Variants in ZNF429 observed in about 807,000 individuals in gnomAD.
The protein encoded by ZNF429 is zinc finger protein 429.
Under a neutral mutation model 56.8 loss-of-function variants are expected in ZNF429, and 53 were observed. That is an observed-to-expected ratio of 0.93 (90% CI 0.75 to 1.17). ZNF429 has a LOEUF of 1.17. Among genes scored for constraint, ZNF429 ranks in the 50% most tolerant of loss-of-function variants. The pLI, the probability that ZNF429 is intolerant of heterozygous loss-of-function variation, is 0.00. For missense variants in ZNF429, 849 were observed against 788.4 expected, an observed-to-expected ratio of 1.08 and a Z score of -0.92; for synonymous variants, 278 against 264.7, an observed-to-expected ratio of 1.05 and a Z score of -0.49.
At chr19:21,521,658 T>C (rs1395885847) in intron 1 of ZNF429, 1 of 152,548 alleles carries the variant, frequency 6.6e-6, no homozygotes. Flanking sequence ...GAGAGCTGCT[T>C]TTCTCTCTCA....
intron 3 of ZNF429, among the ~76,000 whole-genome samples, chr19:21,535,499 CTTT>C: frequency 4.6e-5 from 3 of 64,796 alleles, no homozygotes; most frequent in Non-Finnish European, 9.2e-5. Flanking sequence ...TTTCTTTCTT[CTTT>C]CTTTCTTTCT....
At chr19:21,523,014 G>A (rs2033038170) in intron 1 of ZNF429, among the ~76,000 whole-genome samples, 1 of 152,110 alleles carries the variant, frequency 6.6e-6, no homozygotes, top group Non-Finnish European at 1.5e-5. Context: ...ATGTTACAGG[G>A]TGGAAATCAA....
chr19:21,530,532 A>T, intron 2 of ZNF429, 57 bp from the exon 3 acceptor site: 1 of 1,286,768 alleles, frequency 7.8e-7, no homozygotes, highest in African/African-American at 1.5e-5. Context: ...GCACATTACT[A>T]AATTGGTAAT....
intron 3 of ZNF429, among the ~76,000 whole-genome samples, chr19:21,531,950 A>G: frequency 6.6e-6 from 1 of 151,700 alleles, no homozygotes; most frequent in Non-Finnish European, 1.5e-5. Flanking sequence ...TATTAGCAAC[A>G]TACAAAATTA....
chr19:21,506,957 G>A (rs1193574740), intron 1 of ZNF429, among the ~76,000 whole-genome samples: 1 of 151,848 alleles, frequency 6.6e-6, no homozygotes, highest in Admixed American at 6.6e-5. Context: ...TAGTAGAGAC[G>A]GGGTTTCTCC....
intron 1 of ZNF429, among the ~76,000 whole-genome samples, chr19:21,516,498 A>G (rs767781347): frequency 1.3e-5 from 2 of 152,212 alleles, no homozygotes; most frequent in Admixed American, 6.5e-5. Context: ...GTAGTTTGAT[A>G]GAAATGGCAT....
At chr19:21,511,792 A>G (rs1461197637) in intron 1 of ZNF429, among the ~76,000 whole-genome samples, 3 of 152,176 alleles carry the variant, frequency 2.0e-5, no homozygotes, top group South Asian at 4.1e-4. Context: ...GCACCATTGA[A>G]CACTGAGTGA....
At position 21,538,301 on chromosome 19, in the gene ZNF429, A is replaced by T. The variant is rs1254237706; in HGVS notation, c.*223A>T. On this transcript the variant is annotated 3_prime_UTR_variant, in exon 4 of 4. Transcript: ENST00000358491. ...TCAAAAAAAAAAAAAAAAAAAAAAG[A>T]AAAGAAAATTCATAGGCCAGGTATG... Among the ~76,000 whole-genome samples, 25 of 137,214 alleles carry T rather than the reference A, an allele frequency of 1.8e-4. No individual in the cohort carries two copies. The highest frequency in any genetic ancestry group is 7.0e-4 in the African/African-American group (25 of 35,604). The allele number at this position is 137,214 out of a possible 152,430, so 90.0% of individuals were successfully genotyped here.
At chr19:21,529,871 T>A in intron 2 of ZNF429, 87 bp downstream of exon 2, 2 of 974,598 alleles carry the variant, frequency 2.1e-6, no homozygotes, top group Non-Finnish European at 2.9e-6. Flanking sequence ...TAATTTATGC[T>A]TTGCATAAAT....
chr19:21,523,663 C>G (rs1023053731), intron 1 of ZNF429, among the ~76,000 whole-genome samples: 4 of 152,226 alleles, frequency 2.6e-5, no homozygotes, highest in African/African-American at 7.2e-5. Flanking sequence ...CTCTCTTTGC[C>G]TTTGCAAATC....
At chr19:21,533,103 A>G in intron 3 of ZNF429, among the ~76,000 whole-genome samples, 1 of 151,908 alleles carries the variant, frequency 6.6e-6, no homozygotes, top group African/African-American at 2.4e-5. Context: ...TCATTGCATC[A>G]TCAACAGCTT....
Position 21,531,106 on chromosome 19 carries a change from CAAAAAAAAAAAAAAAAAAAAAAACCA to C in ZNF429, c.226+435_226+460del. On this transcript the variant is annotated intron_variant, in intron 3 of 3. Transcript: ENST00000358491. ...GGGCAACAAGAGTGAAACTCCATCT[CAAAAAAAAAAAAAAAAAAAAAAACCA>C]AAAAAAAAAAAACACCCGTCTTGGT... 4.0e-4 allele frequency among the ~76,000 whole-genome samples: 7 copies of C among 17,560 alleles called. No individual in the cohort carries two copies. In the Admixed American group the frequency reaches 4.6e-3, roughly 12 times the overall value. The allele number at this position is 17,560 out of a possible 152,430, so 11.5% of individuals were successfully genotyped here. A position where few individuals can be genotyped will look rare whatever the true frequency, so the allele number is the denominator to read the frequency against.
intron 3 of ZNF429, among the ~76,000 whole-genome samples, 196 bp downstream of exon 3, chr19:21,530,880 C>T: frequency 2.0e-5 from 3 of 151,878 alleles, no homozygotes; most frequent in East Asian, 1.9e-4. Flanking sequence ...CTGAGGTGGG[C>T]GGATCACCTG....
chr19:21,506,759 A>ATTTT (rs2032180540), intron 1 of ZNF429, among the ~76,000 whole-genome samples: 2 of 107,320 alleles, frequency 1.9e-5, no homozygotes, highest in Non-Finnish European at 4.0e-5. Context: ...CATTTGAGTT[A>ATTTT]GTTTTTTGTT....
chr19:21,536,362 T>C lies in ZNF429; in HGVS notation c.309T>C (p.Tyr103=), dbSNP rs111767938. The change falls in exon 4 of 4, where the codon TAT becomes TAC. Residue 103 remains tyrosine (Y), a synonymous_variant. Transcript: ENST00000358491. ...DSFQKVTLRR[Y]DKRGHENLQL... is the part of the protein sequence containing the mutation. ...TCCAAAAAGTGACACTGAGGAGATATGATAAACGTGGACATGAGAACTTAC... is the reference window on the plus strand; with the variant it reads ...TCCAAAAAGTGACACTGAGGAGATACGATAAACGTGGACATGAGAACTTAC... The C allele has an allele frequency of 9.9e-6, 16 of 1,613,836 alleles. No homozygotes were observed. Among genetic ancestry groups the C allele is most frequent in the African/African-American group, 4.0e-5 (3 of 75,038 alleles).
Position 21,536,273 on chromosome 19 carries a change from A to C in ZNF429, c.227-7A>C. The C allele has an allele frequency of 6.5e-7, 1 of 1,549,440 alleles. No individual in the cohort carries two copies. Among genetic ancestry groups the C allele is most frequent in the East Asian group, 2.3e-5 (1 of 44,394 alleles). On this transcript the variant is annotated splice_polypyrimidine_tract_variant and splice_region_variant and intron_variant, in intron 3 of 3. Coordinates refer to ENST00000358491, the MANE Select transcript of ZNF429 (RefSeq NM_001001415.4). Reference sequence around the variant, plus strand: ...TGAAGTAATTTGTTGTTTTAATTTTATTTTAGTTGTGTGTTCTCATTTTGC... The same window carrying C: ...TGAAGTAATTTGTTGTTTTAATTTTCTTTTAGTTGTGTGTTCTCATTTTGC...
In ZNF429 at chr19:21,534,842, C is replaced by T; in HGVS notation, c.227-1438C>T. ...TGTTTTTTTTTGAGACGGAGTATCGCTCTGTCGCCCAGGCTGGAGTGCAGT... is the reference window on the plus strand; with the variant it reads ...TGTTTTTTTTTGAGACGGAGTATCGTTCTGTCGCCCAGGCTGGAGTGCAGT... On this transcript the variant is annotated intron_variant, in intron 3 of 3. Transcript: ENST00000358491. Among the ~76,000 whole-genome samples the T allele has an allele frequency of 2.7e-5, 4 of 149,554 alleles. No homozygotes were observed. In the East Asian group the frequency reaches 7.8e-4, roughly 29 times the overall value.
At chr19:21,523,662 C>G (rs911770143) in intron 1 of ZNF429, among the ~76,000 whole-genome samples, 1 of 152,228 alleles carries the variant, frequency 6.6e-6, no homozygotes, top group Non-Finnish European at 1.5e-5. Flanking sequence ...TCTCTCTTTG[C>G]CTTTGCAAAT....
At chr19:21,515,945 T>G (rs888762625) in intron 1 of ZNF429, among the ~76,000 whole-genome samples, 1 of 152,218 alleles carries the variant, frequency 6.6e-6, no homozygotes. Flanking sequence ...GGTCTATGAG[T>G]CTGCTTTTGT....
Sources: allele counts gnomAD v4.1 joint callset (sites outside exome capture counted in the v4.1 genomes callset), GRCh38; gene constraint gnomAD v4.1.1; transcripts MANE v1.5; gene names NCBI Gene and HGNC (gene_info 2026-07-23, HGNC 2026-07-21).